The following XRCC4 variants were observed in gnomAD, a reference collection of about 807,000 sequenced individuals.
XRCC4 encodes the protein X-ray repair cross complementing 4.
In XRCC4, 28 loss-of-function variants were observed where a neutral mutation model predicts 39.1. That is an observed-to-expected ratio of 0.72 (90% CI 0.53 to 0.98). The LOEUF (loss-of-function observed/expected upper bound fraction) is 0.98. Among genes scored for constraint, XRCC4 ranks in the 50% least tolerant of loss-of-function variants. The pLI, the probability that XRCC4 is intolerant of heterozygous loss-of-function variation, is 0.00. For synonymous variants in XRCC4, 123 were observed against 126.4 expected (o/e 0.97, Z 0.18); for missense variants, 350 against 376.4 (o/e 0.93, Z 0.58).
chr5:83,137,903 G>A (rs574284955), intron 3 of XRCC4, among the ~76,000 whole-genome samples: 27 of 152,304 alleles, frequency 1.8e-4, no homozygotes, highest in Admixed American at 1.6e-3. Context: ...CAGCAAATCC[G>A]TATGTTCTGG....
intron 3 of XRCC4, among the ~76,000 whole-genome samples, chr5:83,114,546 C>A (rs532359293): frequency 5.9e-4 from 90 of 152,318 alleles, no homozygotes; most frequent in African/African-American, 1.6e-3. Context: ...ACAAGTTCCT[C>A]ATGTCCATCT....
At chr5:83,204,293 T>G (rs1439400778) in intron 5 of XRCC4, among the ~76,000 whole-genome samples, 2 of 152,170 alleles carry the variant, frequency 1.3e-5, no homozygotes, top group Non-Finnish European at 2.9e-5. Context: ...TGAATCTTAG[T>G]AGAAGTACAG....
chr5:83,175,494 C>G (rs182656685), intron 3 of XRCC4, among the ~76,000 whole-genome samples: 42 of 152,216 alleles, frequency 2.8e-4, no homozygotes, highest in Middle Eastern at 3.4e-3. Flanking sequence ...GTTATTTTGA[C>G]CATAGTAAAT....
chr5:83,320,265 C>A (rs1454944478), intron 7 of XRCC4, among the ~76,000 whole-genome samples: 1 of 146,170 alleles, frequency 6.8e-6, no homozygotes, highest in Non-Finnish European at 1.5e-5. Flanking sequence ...ATAGATGACA[C>A]GTTAGTGGGT....
At chr5:83,159,251 T>C (rs1212194960) in intron 3 of XRCC4, among the ~76,000 whole-genome samples, 1 of 152,178 alleles carries the variant, frequency 6.6e-6, no homozygotes, top group African/African-American at 2.4e-5. Flanking sequence ...TTATATTTTA[T>C]TATATTTGCA....
At chr5:83,372,171 G>T in the XRCC4 span, among the ~76,000 whole-genome samples, 2 of 151,422 alleles carry the variant, frequency 1.3e-5, no homozygotes, top group Admixed American at 6.6e-5. Context: ...CACTTCCCAG[G>T]TTAAGGAATA....
chr5:83,253,852 T>C (rs768914585), intron 6 of XRCC4, among the ~76,000 whole-genome samples: 25 of 152,254 alleles, frequency 1.6e-4, no homozygotes, highest in Middle Eastern at 6.8e-3. Context: ...CCAGGGAAGC[T>C]AACTCCCTGC....
intron 3 of XRCC4, among the ~76,000 whole-genome samples, chr5:83,118,044 C>CCACACACACACA (rs34524513): frequency 4.2e-5 from 5 of 118,526 alleles, no homozygotes; most frequent in East Asian, 4.2e-4. Flanking sequence ...ATATACATCT[C>CCACACACACACA]CACACACACA....
At chr5:83,086,301 T>C (rs1401811332) in intron 1 of XRCC4, among the ~76,000 whole-genome samples, 3 of 152,220 alleles carry the variant, frequency 2.0e-5, no homozygotes, top group South Asian at 2.1e-4. Context: ...TGTATAACTT[T>C]TGGCTCCTTC....
intron 3 of XRCC4, among the ~76,000 whole-genome samples, chr5:83,121,878 G>A (rs1747027312): frequency 7.3e-6 from 1 of 137,632 alleles, no homozygotes; most frequent in African/African-American, 2.9e-5. Context: ...ATACTTTAAG[G>A]TATGGGTTGA....
At chr5:83,192,319 A>ATATATTT (rs3069585) in intron 3 of XRCC4, among the ~76,000 whole-genome samples, 13 of 143,496 alleles carry the variant, frequency 9.1e-5, no homozygotes, top group Non-Finnish European at 1.2e-4. Flanking sequence ...ATATATATAT[A>ATATATTT]TTTTTTTGAG....
chr5:83,301,042 T>C (rs929958098), intron 7 of XRCC4, among the ~76,000 whole-genome samples: 5 of 152,168 alleles, frequency 3.3e-5, no homozygotes, highest in Non-Finnish European at 7.4e-5. Flanking sequence ...AATAAACATA[T>C]GTGTGCGTGT....
At chr5:83,276,986 A>T (rs535864027) in intron 7 of XRCC4, among the ~76,000 whole-genome samples, 2 of 152,266 alleles carry the variant, frequency 1.3e-5, no homozygotes, top group East Asian at 3.9e-4. Flanking sequence ...GTGAAGGAGC[A>T]TCTATATATT....
chr5:83,147,461 C>T (rs987570198), intron 3 of XRCC4, among the ~76,000 whole-genome samples: 1 of 152,064 alleles, frequency 6.6e-6, no homozygotes, highest in East Asian at 1.9e-4. Flanking sequence ...CACTGAAAGA[C>T]AAATACTATA....
intron 6 of XRCC4, among the ~76,000 whole-genome samples, chr5:83,241,690 G>A (rs1752915294): frequency 6.6e-6 from 1 of 152,072 alleles, no homozygotes; most frequent in African/African-American, 2.4e-5. Flanking sequence ...TTTTTGACTT[G>A]TCCAAATCTT....
intron 3 of XRCC4, among the ~76,000 whole-genome samples, chr5:83,151,702 C>T (rs369914918): frequency 6.6e-5 from 10 of 152,234 alleles, no homozygotes; most frequent in South Asian, 6.2e-4. Flanking sequence ...ATTGCCCTCA[C>T]CAATGTTCTG....
At chr5:83,346,591 G>A (rs1422410318) in intron 7 of XRCC4, among the ~76,000 whole-genome samples, 3 of 152,030 alleles carry the variant, frequency 2.0e-5, no homozygotes, top group East Asian at 3.8e-4. Flanking sequence ...TAAAGTAAAT[G>A]TTTAACTTAA....
At chr5:83,199,106 A>G (rs1751069342) in intron 4 of XRCC4, among the ~76,000 whole-genome samples, 1 of 152,188 alleles carries the variant, frequency 6.6e-6, no homozygotes. Context: ...CATCAAAATA[A>G]AAGACCTTGA....
At chr5:83,200,765 C>G (rs1252489559) in intron 4 of XRCC4, among the ~76,000 whole-genome samples, 1 of 152,010 alleles carries the variant, frequency 6.6e-6, no homozygotes, top group African/African-American at 2.4e-5. Flanking sequence ...TTGGTTTTTA[C>G]TTTGCATATG....
Sources: allele counts gnomAD v4.1 joint callset (sites outside exome capture counted in the v4.1 genomes callset), GRCh38; gene constraint gnomAD v4.1.1; transcripts MANE v1.5; gene names NCBI Gene and HGNC (gene_info 2026-07-23, HGNC 2026-07-21).